The following ADAMTS3 variants were observed in gnomAD, a reference collection of about 807,000 sequenced individuals.
ADAMTS3 encodes the protein ADAM metallopeptidase with thrombospondin type 1 motif 3.
ADAMTS3 carries 73 observed loss-of-function variants against 129.0 expected under a neutral mutation model. The observed-to-expected ratio is 0.57, with a 90% CI of 0.47 to 0.69. The LOEUF (loss-of-function observed/expected upper bound fraction) is 0.69. ADAMTS3 is among the 30% of genes least tolerant of loss of function. The pLI is 0.00. For synonymous variants in ADAMTS3, 477 were observed against 510.8 expected (o/e 0.93, Z 0.89); for missense variants, 1,457 against 1,514.5 (o/e 0.96, Z 0.63).
chr4:72,327,763 T>C (rs914705796), intron 5 of ADAMTS3, among the ~76,000 whole-genome samples: 1 of 152,316 alleles, frequency 6.6e-6, no homozygotes, highest in South Asian at 2.1e-4. Flanking sequence ...TCTCAACCTT[T>C]GAGTTTAAGA....
chr4:72,318,134 C>A (rs1578577412), intron 10 of ADAMTS3, among the ~76,000 whole-genome samples: 1 of 152,092 alleles, frequency 6.6e-6, no homozygotes, highest in African/African-American at 2.4e-5. Flanking sequence ...ACAATCCTTC[C>A]CTATGGTCAC....
chr4:72,318,469 G>A, intron 10 of ADAMTS3, 103 bp downstream of exon 10: 10 of 1,231,368 alleles, frequency 8.1e-6, no homozygotes, highest in Non-Finnish European at 1.1e-5. Context: ...ATAACTGCTA[G>A]ATATTATTAT....
At chr4:72,342,826 A>G (rs1720174207) in intron 4 of ADAMTS3, among the ~76,000 whole-genome samples, 1 of 152,156 alleles carries the variant, frequency 6.6e-6, no homozygotes, top group African/African-American at 2.4e-5. Context: ...AGGTGGACTT[A>G]GCATATGACG....
intron 3 of ADAMTS3, among the ~76,000 whole-genome samples, chr4:72,498,697 T>A (rs937134347): frequency 3.3e-5 from 5 of 151,758 alleles, no homozygotes; most frequent in African/African-American, 1.2e-4. Flanking sequence ...ATATGTGAGA[T>A]GTGTGTAGAA....
Position 72,291,011 on chromosome 4 carries a change from G to A in ADAMTS3, c.2775C>T (p.Gly925=). The A allele has an allele frequency of 6.2e-7, 1 of 1,614,034 alleles. No individual in the cohort carries two copies. The highest frequency in any genetic ancestry group is 8.5e-7 in the Non-Finnish European group (1 of 1,179,962). Residue 925 remains glycine, a synonymous_variant, in exon 20 of 22, where the codon GGC becomes GGT. Coordinates refer to ENST00000286657, the MANE Select transcript of ADAMTS3 (RefSeq NM_014243.3). ...EHCTKTCGSS[G]YQLRTVRCLQ... ...GGCAGCGTACAGTGCGAAGCTGATA[G>A]CCAGAACTTCCACAGGTTTTGGTGC...
intron 3 of ADAMTS3, among the ~76,000 whole-genome samples, chr4:72,434,681 T>G (rs1722776970): frequency 6.6e-6 from 1 of 151,732 alleles, no homozygotes; most frequent in Admixed American, 6.6e-5. Context: ...AGGAAGGGGG[T>G]TTTGCAGATG....
chr4:72,294,634 A>C (rs937207460), intron 19 of ADAMTS3, among the ~76,000 whole-genome samples: 1 of 152,060 alleles, frequency 6.6e-6, no homozygotes, highest in African/African-American at 2.4e-5. Context: ...AAAAATGAGC[A>C]CCAAGTCAAT....
rs1721596173 is a variant in ADAMTS3, at chr4:72,550,049, GAGGAA to G, written c.98-1170_98-1166del. On this transcript the variant is annotated intron_variant, in intron 2 of 21. Transcript: ENST00000286657. ...AGAAGAAGAAGAAGAAGAAGAGGAA[GAGGAA>G]GAGGAAGAGGAAGAGGAAGAGGAAG... 2.6e-4 allele frequency among the ~76,000 whole-genome samples: 2 copies of G among 7,548 alleles called. 1 individual carries two copies. Among genetic ancestry groups the G allele is most frequent in the African/African-American group, 7.9e-4 (2 of 2,546 alleles). 5.0% of individuals were successfully genotyped at this position (7,548 alleles called of 152,430 possible).
rs1719552763 is a variant in ADAMTS3 at position 72,485,182 on chromosome 4, T to C, written c.504+63296A>G. On this transcript the variant is annotated intron_variant, in intron 3 of 21. Transcript: ENST00000286657. ...ACACTAAAACATGGAACAAGATCCG[T>C]AGTTCAAAGAAATGAAATATTCCAG... is the stretch of plus-strand genomic sequence containing the variant. Among the ~76,000 whole-genome samples, 4 of 152,202 alleles carry C rather than the reference T, an allele frequency of 2.6e-5. No homozygotes were observed. The South Asian group carries it at 8.3e-4, about 32-fold the overall frequency.
At chr4:72,529,065 T>C (rs1720890053) in intron 3 of ADAMTS3, among the ~76,000 whole-genome samples, 1 of 152,048 alleles carries the variant, frequency 6.6e-6, no homozygotes, top group Non-Finnish European at 1.5e-5. Flanking sequence ...GAAATATAAT[T>C]TAAATTAACA....
In ADAMTS3 at chr4:72,548,493, G is replaced by C. The variant is rs1340536861; in HGVS notation, c.489C>G (p.Ser163Arg). 1 of 1,613,518 alleles carries C rather than the reference G, an allele frequency of 6.2e-7. No individual in the cohort carries two copies. The highest frequency in any genetic ancestry group is 1.3e-5 in the African/African-American group (1 of 74,872). Reference sequence around the variant, plus strand: ...GGAGTCTTACCAGACCATCACAGTTGCTGATGGCAACAGAGGTTCCTGGAA... The same window carrying C: ...GGAGTCTTACCAGACCATCACAGTTCCTGATGGCAACAGAGGTTCCTGGAA... ...VDIPGTSVAI[S>R]NCDGLAGMIK... is the part of the protein sequence containing the mutation. Residue 163 changes from serine (S) to arginine (R), a missense_variant, in exon 3 of 22, where the codon AGC (serine) becomes AGG (arginine). By Grantham distance (110) the Ser-to-Arg change is moderately radical. Transcript: ENST00000286657.
chr4:72,466,959 G>A (rs1718937975), intron 3 of ADAMTS3, among the ~76,000 whole-genome samples: 1 of 152,010 alleles, frequency 6.6e-6, no homozygotes, highest in Non-Finnish European at 1.5e-5. Flanking sequence ...AATACCTCAA[G>A]GGGATACTGA....
intron 4 of ADAMTS3, among the ~76,000 whole-genome samples, chr4:72,409,703 T>C (rs144961402): frequency 2.4e-4 from 36 of 152,330 alleles, no homozygotes; most frequent in African/African-American, 6.5e-4. Context: ...TAAAGTATTA[T>C]CCTTTATGTT....
At chr4:72,484,022 A>T (rs1156508319) in intron 3 of ADAMTS3, among the ~76,000 whole-genome samples, 4 of 151,984 alleles carry the variant, frequency 2.6e-5, no homozygotes, top group African/African-American at 9.7e-5. Context: ...CGTCTCAAAA[A>T]AGAAAGAAAG....
At chr4:72,288,921 C>A in intron 20 of ADAMTS3, 53 bp from the exon 21 acceptor site, 1 of 735,196 alleles carries the variant, frequency 1.4e-6, no homozygotes, top group Non-Finnish European at 2.3e-6. Context: ...AGACCATGCA[C>A]ATACACACAC....
intron 3 of ADAMTS3, among the ~76,000 whole-genome samples, chr4:72,446,849 C>G (rs1718265968): frequency 6.6e-6 from 1 of 151,550 alleles, no homozygotes; most frequent in Non-Finnish European, 1.5e-5. Context: ...TCTAGTTTGG[C>G]TGAATCATGC....
chr4:72,359,464 C>T lies in ADAMTS3; in HGVS notation c.662-19771G>A, dbSNP rs887023568. On this transcript the variant is annotated intron_variant, in intron 4 of 21. Coordinates refer to ENST00000286657, the MANE Select transcript of ADAMTS3 (RefSeq NM_014243.3). The stretch of plus-strand genomic sequence containing the variant: ...TAATTAATGAAATTATATGAGTTAA[C>T]ATTTTAATAACATTTAATACCATGG... Among the ~76,000 whole-genome samples the T allele has an allele frequency of 5.9e-5, 9 of 151,868 alleles. No homozygotes were observed. In the East Asian group the frequency reaches 1.2e-3, roughly 20 times the overall value.
chr4:72,543,438 C>T (rs1383093730), intron 3 of ADAMTS3, among the ~76,000 whole-genome samples: 2 of 152,078 alleles, frequency 1.3e-5, no homozygotes, highest in East Asian at 1.9e-4. Context: ...GCATTATTCA[C>T]AGTATCTAAA....
chr4:72,366,612 C>T (rs1720875400), intron 4 of ADAMTS3, among the ~76,000 whole-genome samples: 1 of 152,048 alleles, frequency 6.6e-6, no homozygotes, highest in Non-Finnish European at 1.5e-5. Context: ...AAGGGGACTT[C>T]ATTCTACTGC....
Sources: gnomAD v4.1 joint callset for allele counts (sites outside exome capture counted in the v4.1 genomes callset) on GRCh38, gnomAD v4.1.1 for gene constraint, MANE v1.5 for transcripts, NCBI Gene and HGNC (gene_info 2026-07-23, HGNC 2026-07-21) for gene names.